Variants in CHID1 observed in about 807,000 individuals in gnomAD.
The protein encoded by CHID1 is chitinase domain-containing protein 1.
In CHID1, 44 loss-of-function variants were observed where a neutral mutation model predicts 55.4. That is an observed-to-expected ratio of 0.79 (90% CI 0.62 to 1.02). CHID1 has a LOEUF of 1.02. Ranked by LOEUF, CHID1 falls within the 50% of genes least tolerant of loss-of-function variation. The pLI is 0.00. For synonymous variants in CHID1, 216 were observed against 212.9 expected (o/e 1.01, Z -0.13); for missense variants, 491 against 515.3 (o/e 0.95, Z 0.46).
At chr11:881,151 T>A (rs1041417577) in intron 10 of CHID1, among the ~76,000 whole-genome samples, 1 of 152,094 alleles carries the variant, frequency 6.6e-6, no homozygotes, top group African/African-American at 2.4e-5. Context: ...TCTAGAGAAT[T>A]ATAACATGTT....
chr11:876,204 C>G (rs1224283323), intron 10 of CHID1, among the ~76,000 whole-genome samples: 1 of 152,184 alleles, frequency 6.6e-6, no homozygotes, highest in East Asian at 1.9e-4. Context: ...AGAGCCCCAG[C>G]TTCTAGAACA....
chr11:881,227 T>G (rs79099629), intron 10 of CHID1, among the ~76,000 whole-genome samples: 3 of 152,230 alleles, frequency 2.0e-5, no homozygotes, highest in East Asian at 3.9e-4. Context: ...GAGGATCGCT[T>G]GAGCCCAGGA....
chr11:877,909 C>T (rs1025987422), intron 10 of CHID1, among the ~76,000 whole-genome samples: 1 of 152,064 alleles, frequency 6.6e-6, no homozygotes, highest in Non-Finnish European at 1.5e-5. Flanking sequence ...CCCTGGTGAA[C>T]GGATTAATCC....
At chr11:900,375 G>A (rs1851718356) in intron 5 of CHID1, among the ~76,000 whole-genome samples, 1 of 152,192 alleles carries the variant, frequency 6.6e-6, no homozygotes, top group South Asian at 2.1e-4. Context: ...ACACGGCTCA[G>A]CATGGTTGTG....
chr11:915,078 C>G (rs1396400285), upstream of CHID1: 1 of 154,882 alleles, frequency 6.5e-6, no homozygotes, highest in African/African-American at 2.4e-5. Context: ...CTGCCTAGCC[C>G]TCCCCACCTG....
At chr11:881,475 G>GACC (rs55870113) in intron 10 of CHID1, among the ~76,000 whole-genome samples, 12 of 1,142 alleles carry the variant, frequency 0.011, 1 homozygote, top group Non-Finnish European at 0.014. Context: ...TGAGGGAAAG[G>GACC]ACGTCGGGCG....
At chr11:914,525 G>A (rs1159119718), upstream of CHID1, 4 of 1,289,086 alleles carry the variant, frequency 3.1e-6, no homozygotes, top group Admixed American at 9.2e-5. Context: ...TGCCTTACCT[G>A]GGATATTCCT....
At chr11:883,487 A>G (rs1850158041) in intron 9 of CHID1, among the ~76,000 whole-genome samples, 184 bp from the exon 10 acceptor site, 1 of 152,182 alleles carries the variant, frequency 6.6e-6, no homozygotes, top group Non-Finnish European at 1.5e-5. Context: ...GAGGGACGTC[A>G]CGTCCAGGGC....
chr11:875,247 C>T lies in CHID1; in HGVS notation c.960-4748G>A, dbSNP rs1849430527. Among the ~76,000 whole-genome samples, 1 of 152,262 alleles carries T rather than the reference C, an allele frequency of 6.6e-6. No homozygotes were observed. ...CACAGGTTTCAGTTGCCTCTCAGAG[C>T]TTGAGTTCAACCAGACAGCCCTCCT... On this transcript the variant is annotated intron_variant, in intron 10 of 12. Coordinates refer to ENST00000323578, the MANE Select transcript of CHID1 (RefSeq NM_023947.4). The surrounding 1 kb of genome is among the most constrained non-coding windows in gnomAD (Gnocchi z 4.7).
chr11:885,494 A>G (rs1359786022), intron 8 of CHID1, among the ~76,000 whole-genome samples: 1 of 151,916 alleles, frequency 6.6e-6, no homozygotes, highest in Admixed American at 6.6e-5. Context: ...TCTTTTCCTG[A>G]TGCCTGCCAG....
chr11:870,186 G>C, intron 11 of CHID1, 23 bp from the exon 12 acceptor site: 2 of 1,613,058 alleles, frequency 1.2e-6, no homozygotes, highest in Non-Finnish European at 1.7e-6. Flanking sequence ...GGGACTGTCA[G>C]CCCATCCGCT....
In CHID1 at chr11:910,464, G is replaced by T. The variant is rs115608143; in HGVS notation, c.-44+311C>A. 4.9e-3 allele frequency among the ~76,000 whole-genome samples: 752 copies of T among 152,278 alleles called. 9 individuals carry two copies. Among genetic ancestry groups the T allele is most frequent in the African/African-American group, 0.017 (699 of 41,546 alleles). ...CCCAGCGCGCCTAGCTCTCAGGCTT[G>T]CTCGCCCCAGCGCACGCGCTCCACC... On this transcript the variant is annotated intron_variant, in intron 1 of 12. Coordinates refer to ENST00000323578, the MANE Select transcript of CHID1 (RefSeq NM_023947.4).
At chr11:886,794 C>G (rs922714315) in intron 8 of CHID1, among the ~76,000 whole-genome samples, 1 of 152,234 alleles carries the variant, frequency 6.6e-6, no homozygotes, top group Non-Finnish European at 1.5e-5. Context: ...AGCCCCACAT[C>G]GCTCAGGTCC....
chr11:884,258 G>A lies in CHID1; in HGVS notation c.702-89C>T, dbSNP rs540188812. 7.7e-5 allele frequency: 72 copies of A among 939,732 alleles called. No individual in the cohort carries two copies. In the African/African-American group the frequency reaches 9.2e-4, roughly 12 times the overall value. 58.2% of individuals were successfully genotyped at this position (939,732 alleles called of 1,614,324 possible). A position where few individuals can be genotyped will look rare whatever the true frequency, so the allele number is the denominator to read the frequency against. ...CGGTTCGAGCAAGCTGCCTGTAGGGGACTTGGGTCACTTTTCCCAAGGGGA... is the reference window on the plus strand; with the variant it reads ...CGGTTCGAGCAAGCTGCCTGTAGGGAACTTGGGTCACTTTTCCCAAGGGGA... On this transcript the variant is annotated intron_variant, in intron 8 of 12. Coordinates refer to ENST00000323578, the MANE Select transcript of CHID1 (RefSeq NM_023947.4).
intron 10 of CHID1, among the ~76,000 whole-genome samples, chr11:880,892 T>C (rs531668254): frequency 3.9e-5 from 6 of 152,288 alleles, no homozygotes; most frequent in Admixed American, 1.3e-4. Context: ...AGATGATTTA[T>C]AAAAATGCTA....
intron 7 of CHID1, among the ~76,000 whole-genome samples, chr11:896,374 CACA>C (rs1487206051): frequency 2.4e-4 from 32 of 133,530 alleles, no homozygotes; most frequent in African/African-American, 8.0e-4. Context: ...CCACCCTAGA[CACA>C]ACAAGCCTGT....
upstream of CHID1, among the ~76,000 whole-genome samples, chr11:913,866 ACCAGTCTGGGCAACATGGTGAAAC>A: frequency 6.6e-6 from 1 of 152,188 alleles, no homozygotes; most frequent in Non-Finnish European, 1.5e-5. Flanking sequence ...GGAGTTTGAA[ACCAGTCTGGGCAACATGGTGAAAC>A]CCCGTCTCTA....
chr11:872,648 C>T (rs777778118), intron 10 of CHID1, among the ~76,000 whole-genome samples: 1 of 152,236 alleles, frequency 6.6e-6, no homozygotes, highest in African/African-American at 2.4e-5. Flanking sequence ...TAGCCACAAC[C>T]CCATCAGACA....
At chr11:912,049 G>C (rs1439904947), upstream of CHID1, among the ~76,000 whole-genome samples, 4 of 152,216 alleles carry the variant, frequency 2.6e-5, no homozygotes, top group African/African-American at 9.7e-5. Flanking sequence ...AGAATCGATC[G>C]GGCAGCCGCC....
Sources: allele counts gnomAD v4.1 joint callset (sites outside exome capture counted in the v4.1 genomes callset), GRCh38; gene constraint gnomAD v4.1.1; non-coding constraint Gnocchi (gnomAD v3.1); transcripts MANE v1.5; gene names NCBI Gene and HGNC (gene_info 2026-07-23, HGNC 2026-07-21).